The following ABR variants were observed in gnomAD, a reference collection of about 807,000 sequenced individuals.
ABR encodes ABR activator of RhoGEF and GTPase.
ABR carries 35 observed loss-of-function variants against 107.2 expected under a neutral mutation model. The observed-to-expected ratio is 0.33, with a 90% CI of 0.25 to 0.43. The LOEUF is 0.43. Ranked by LOEUF, ABR falls within the 20% of genes least tolerant of loss-of-function variation. The pLI is 1.00. For missense variants in ABR, 815 were observed against 1,115.2 expected (o/e 0.73, Z 3.83); for synonymous variants, 498 against 462.0 (o/e 1.08, Z -1.00).
chr17:1,125,123 G>A lies in ABR; in HGVS notation c.246+60C>T, dbSNP rs1167945015. ...CCAACCCAAGCAGGGCCTGGCCCAC[G>A]ATGCCCAGGCCTTCCCGTCACCCCT... On this transcript the variant is annotated intron_variant, in intron 2 of 22. Transcript: ENST00000302538. The A allele has an allele frequency of 5.3e-6, 8 of 1,497,722 alleles. No individual in the cohort carries two copies. The East Asian group carries it at 6.9e-5, about 13-fold the overall frequency. 92.8% of individuals were successfully genotyped at this position (1,497,722 alleles called of 1,614,324 possible).
intron 2 of ABR, among the ~76,000 whole-genome samples, chr17:1,105,374 T>G (rs575612382): frequency 1.3e-3 from 198 of 152,272 alleles, no homozygotes; most frequent in African/African-American, 4.5e-3. Context: ...ACAGGTCATA[T>G]TTTTTCTAAT....
chr17:1,185,654 T>TAAAAAAAAAAAAAAAAAAAA (rs775804045), intron 1 of ABR, among the ~76,000 whole-genome samples: 2 of 39,360 alleles, frequency 5.1e-5, no homozygotes, highest in African/African-American at 1.9e-4. Context: ...CAGAAAGAAA[T>TAAAAAAAAAAAAAAAAAAAA]AAAAAAAAAA....
At chr17:1,076,820 G>C (rs571424601) in intron 6 of ABR, among the ~76,000 whole-genome samples, 30 of 151,374 alleles carry the variant, frequency 2.0e-4, no homozygotes, top group African/African-American at 5.9e-4. Context: ...CACGGCCCCT[G>C]CACGCTGGGG....
chr17:1,140,807 T>C (rs1023667411), intron 1 of ABR, among the ~76,000 whole-genome samples: 1 of 152,114 alleles, frequency 6.6e-6, no homozygotes, highest in Non-Finnish European at 1.5e-5. Flanking sequence ...GGTCTCGAAC[T>C]CCTGACCTCA....
In ABR at chr17:1,070,668, T is replaced by C. The variant is rs1436402095; in HGVS notation, c.895-578A>G. Among the ~76,000 whole-genome samples the C allele has an allele frequency of 6.6e-6, 1 of 151,868 alleles. No individual in the cohort carries two copies. The highest frequency in any genetic ancestry group is 1.5e-5 in the Non-Finnish European group (1 of 67,958). ...AGACCTGGGCCCTCCAGCCTGGGAC[T>C]GCAGCAGTGCCCAGAGGGGACCTGC... is the stretch of plus-strand genomic sequence containing the variant. On this transcript the variant is annotated intron_variant, in intron 8 of 22. Transcript: ENST00000302538. This position sits in a 1 kb window ranked among gnomAD's most constrained non-coding sequence, Gnocchi z 4.2.
chr17:1,010,250 G>C lies in ABR; in HGVS notation c.2237-466C>G, dbSNP rs1398637192. On this transcript the variant is annotated intron_variant, in intron 20 of 22. Coordinates refer to ENST00000302538, the MANE Select transcript of ABR (RefSeq NM_021962.5). The surrounding 1 kb of genome is among the most constrained non-coding windows in gnomAD (Gnocchi z 4.1). ...AGAGAAGGCTGAAGGGATTCCTTGG[G>C]GCTGGGTTTGGCCCAGGTGGGTGGA... The C allele has an allele frequency of 2.2e-5, 5 of 228,942 alleles. No individual in the cohort carries two copies. Among genetic ancestry groups the C allele is most frequent in the Non-Finnish European group, 4.4e-5 (5 of 114,438 alleles). The allele number at this position is 228,942 out of a possible 1,614,324, so 14.2% of individuals were successfully genotyped here. A position where few individuals can be genotyped will look rare whatever the true frequency, so the allele number is the denominator to read the frequency against.
intron 1 of ABR, among the ~76,000 whole-genome samples, chr17:1,140,201 A>T (rs1216361836): frequency 6.6e-6 from 1 of 152,104 alleles, no homozygotes; most frequent in Non-Finnish European, 1.5e-5. Flanking sequence ...GCGATGGGAG[A>T]GTTGACTGAA....
At chr17:1,091,940 G>T in intron 3 of ABR, 90 bp from the exon 4 acceptor site, 2 of 1,344,254 alleles carry the variant, frequency 1.5e-6, no homozygotes, top group Non-Finnish European at 2.1e-6. Flanking sequence ...AGCCCTTCCC[G>T]CTGCCCAAGT....
intron 2 of ABR, chr17:1,109,158 G>GGAGGAGGGAGGAGGC: frequency 2.9e-6 from 4 of 1,381,506 alleles, no homozygotes; most frequent in South Asian, 2.8e-5. Context: ...GGCGGGAGGG[G>GGAGGAGGGAGGAGGC]GGGCAGGTCT....
chr17:1,078,793 C>T lies in ABR; in HGVS notation c.700+537G>A, dbSNP rs978252186. 3.9e-6 allele frequency: 6 copies of T among 1,535,176 alleles called. No homozygotes were observed. Among genetic ancestry groups the T allele is most frequent in the African/African-American group, 1.4e-5 (1 of 73,034 alleles). ...AGAGGTGGGAGGGTCCGCCACCTCC[C>T]ACAGCGAGCACCTGGGTTACCATAG... is the stretch of plus-strand genomic sequence containing the variant. On this transcript the variant is annotated intron_variant, in intron 6 of 22. Transcript: ENST00000302538. This position sits in a 1 kb window ranked among gnomAD's most constrained non-coding sequence, Gnocchi z 7.5.
At chr17:1,028,288 G>A (rs1397720736) in intron 16 of ABR, among the ~76,000 whole-genome samples, 19 of 149,332 alleles carry the variant, frequency 1.3e-4, no homozygotes, top group African/African-American at 4.0e-4. Flanking sequence ...TAGTAGACAC[G>A]GGGTTTCACC....
At chr17:1,043,856 G>T (rs1347166491) in intron 16 of ABR, among the ~76,000 whole-genome samples, 2 of 152,248 alleles carry the variant, frequency 1.3e-5, no homozygotes, top group East Asian at 3.8e-4. Flanking sequence ...GGACTGTGGG[G>T]TGGGGGCTGT....
chr17:1,095,816 C>T (rs1475527582), intron 3 of ABR, among the ~76,000 whole-genome samples: 5 of 152,258 alleles, frequency 3.3e-5, no homozygotes, highest in African/African-American at 1.2e-4. Flanking sequence ...TACCCACTTC[C>T]TCCACCTCCT....
intron 1 of ABR, among the ~76,000 whole-genome samples, chr17:1,177,222 G>A (rs1019187526): frequency 3.3e-5 from 5 of 152,200 alleles, no homozygotes; most frequent in Non-Finnish European, 5.9e-5. Flanking sequence ...TTTAATTTAG[G>A]CTCTTGTCAA....
chr17:1,091,943 G>T, intron 3 of ABR, 93 bp from the exon 4 acceptor site: 1 of 1,320,080 alleles, frequency 7.6e-7, no homozygotes, highest in Non-Finnish European at 1.1e-6. Context: ...CCTTCCCGCT[G>T]CCCAAGTCCT....
chr17:1,213,521 C>T (rs1403791687), intron 1 of ABR, among the ~76,000 whole-genome samples: 4 of 152,104 alleles, frequency 2.6e-5, no homozygotes, highest in Admixed American at 2.6e-4. Context: ...TCCTGAGTAG[C>T]TTGGATTACA....
chr17:1,003,617 A>G lies in ABR; in HGVS notation c.*2463T>C, dbSNP rs2069815062. Reference sequence around the variant, plus strand: ...TAATAATCTACATAAGTTGAAACAGAACATAGACAAAAAAATATATCCTTA... The same window carrying G: ...TAATAATCTACATAAGTTGAAACAGGACATAGACAAAAAAATATATCCTTA... On this transcript the variant is annotated 3_prime_UTR_variant, in exon 23 of 23. Transcript: ENST00000302538. The G allele has an allele frequency of 6.6e-6, 1 of 152,548 alleles. No homozygotes were observed. The highest frequency in any genetic ancestry group is 1.5e-5 in the Non-Finnish European group (1 of 68,044). 9.4% of individuals were successfully genotyped at this position (152,548 alleles called of 1,614,324 possible).
At chr17:1,214,725 TG>T (rs1320404743) in intron 1 of ABR, among the ~76,000 whole-genome samples, 1 of 151,314 alleles carries the variant, frequency 6.6e-6, no homozygotes, top group East Asian at 2.0e-4. Context: ...CGCTTGAACC[TG>T]GGAGGCGGAT....
chr17:1,165,121 T>C (rs1322327017), intron 1 of ABR, among the ~76,000 whole-genome samples: 4 of 152,182 alleles, frequency 2.6e-5, no homozygotes, highest in South Asian at 4.1e-4. Context: ...CTGGAGGTCA[T>C]AGGCTAAGCA....
Sources: allele counts gnomAD v4.1 joint callset (sites outside exome capture counted in the v4.1 genomes callset), GRCh38; gene constraint gnomAD v4.1.1; non-coding constraint Gnocchi (gnomAD v3.1); transcripts MANE v1.5; gene names NCBI Gene and HGNC (gene_info 2026-07-23, HGNC 2026-07-21).